UCKL1: variants seen among roughly 807,000 people sequenced by gnomAD.
The protein encoded by UCKL1 is uridine-cytidine kinase-like 1.
A neutral mutation model predicts 59.2 loss-of-function variants in UCKL1; 65 were observed. The ratio of observed to expected loss-of-function variants is 1.10; its 90% CI spans 0.90 to 1.35. The LOEUF is 1.35. Ranked by LOEUF, UCKL1 falls within the 40% of genes most tolerant of loss-of-function variation. UCKL1 has a pLI of 0.00. For missense variants in UCKL1, 703 were observed against 784.3 expected (o/e 0.90, Z 1.24); for synonymous variants, 410 against 323.1 (o/e 1.27, Z -2.88).
intron 1 of UCKL1, among the ~76,000 whole-genome samples, chr20:63,947,872 C>T (rs1333435183): frequency 6.6e-6 from 1 of 152,256 alleles, no homozygotes; most frequent in Non-Finnish European, 1.5e-5. Flanking sequence ...GACCGGCACT[C>T]AGGCGCCTGC....
At chr20:63,944,843 C>T (rs1460334201) in intron 5 of UCKL1, 109 bp from the exon 6 acceptor site, 19 of 1,383,076 alleles carry the variant, frequency 1.4e-5, no homozygotes, top group Non-Finnish European at 1.8e-5. Context: ...TGGCCAGAGC[C>T]ACTTCCCCAG....
At chr20:63,950,031 C>A (rs1366016552) in intron 1 of UCKL1, among the ~76,000 whole-genome samples, 1 of 152,228 alleles carries the variant, frequency 6.6e-6, no homozygotes, top group Non-Finnish European at 1.5e-5. Context: ...AGTAACAACC[C>A]CGTCACCGCA....
At chr20:63,952,972 G>C (rs79001436) in intron 1 of UCKL1, among the ~76,000 whole-genome samples, 1 of 152,262 alleles carries the variant, frequency 6.6e-6, no homozygotes, top group Non-Finnish European at 1.5e-5. Flanking sequence ...ACAGGTGGCC[G>C]GGCGCGGTGG....
rs761184799 is a variant in UCKL1, at chr20:63,939,927, G to A, written c.*49C>T. The A allele has an allele frequency of 2.0e-6, 3 of 1,511,924 alleles. No individual in the cohort carries two copies. Among genetic ancestry groups the A allele is most frequent in the South Asian group, 2.3e-5 (2 of 88,686 alleles). 93.7% of individuals were successfully genotyped at this position (1,511,924 alleles called of 1,614,324 possible). On this transcript the variant is annotated 3_prime_UTR_variant, in exon 15 of 15. Transcript: ENST00000354216. ...ACATCTTTGTATTCAGCAGTCCTGG[G>A]TCAGGAGGCAGGAGGAGGGTGGTGG... is the stretch of plus-strand genomic sequence containing the variant.
Position 63,956,377 on chromosome 20 carries a change from C to G in UCKL1, c.-5G>C. On this transcript the variant is annotated 5_prime_UTR_variant, in exon 1 of 15. Transcript: ENST00000354216. ...GCGGGCCGGGGGCGCAGCCATGGCG[C>G]TCGGAGGCCTCTTTGCGGGCCTGGC... 1 of 1,486,496 alleles carries G rather than the reference C, an allele frequency of 6.7e-7. No homozygotes were observed. Among genetic ancestry groups the G allele is most frequent in the Non-Finnish European group, 8.9e-7 (1 of 1,120,896 alleles). The allele number at this position is 1,486,496 out of a possible 1,614,324, so 92.1% of individuals were successfully genotyped here.
In UCKL1 at chr20:63,946,715, C is replaced by T; in HGVS notation, c.114-72G>A. On this transcript the variant is annotated intron_variant, in intron 1 of 14. Coordinates refer to ENST00000354216, the MANE Select transcript of UCKL1 (RefSeq NM_017859.4). ...CCAGGTACCCGCTGGCATGGCCGGC[C>T]CACAGGGCACCCCCCCCACCCCCTC... is the stretch of plus-strand genomic sequence containing the variant. 3 of 1,403,372 alleles carry T rather than the reference C, an allele frequency of 2.1e-6. 1 individual carries two copies. 86.9% of individuals were successfully genotyped at this position (1,403,372 alleles called of 1,614,324 possible).
intron 7 of UCKL1, among the ~76,000 whole-genome samples, chr20:63,944,151 G>T (rs999981251): frequency 6.6e-6 from 1 of 152,168 alleles, no homozygotes; most frequent in Non-Finnish European, 1.5e-5. Flanking sequence ...CCCTCGGCTG[G>T]GTCCTGAGCA....
chr20:63,946,393 A>C, intron 2 of UCKL1, 60 bp downstream of exon 2: 2 of 1,514,290 alleles, frequency 1.3e-6, no homozygotes, highest in East Asian at 4.9e-5. Context: ...CTCCACAGGC[A>C]CTGGAGGGGA....
intron 1 of UCKL1, among the ~76,000 whole-genome samples, chr20:63,952,987 C>T (rs904803171): frequency 2.0e-5 from 3 of 152,234 alleles, no homozygotes; most frequent in African/African-American, 4.8e-5. Context: ...CGGTGGCTCA[C>T]GCCTGTCATC....
rs377127420 is a variant in UCKL1 at position 63,945,954 on chromosome 20, C to G, written c.433G>C (p.Glu145Gln). 1 of 1,613,688 alleles carries G rather than the reference C, an allele frequency of 6.2e-7. No individual in the cohort carries two copies. The highest frequency in any genetic ancestry group is 1.3e-5 in the African/African-American group (1 of 74,918). ...TTGAAGTTGTTGTGTGCGGCCTGTTCCTGCTGCTGCTCAGTCAGCACCTGG... is the reference window on the plus strand; with the variant it reads ...TTGAAGTTGTTGTGTGCGGCCTGTTGCTGCTGCTGCTCAGTCAGCACCTGG... ...FYKVLTEQQQ[E>Q]QAAHNNFNFD... Residue 145 changes from glutamate to glutamine, a missense_variant, in exon 4 of 15, where the codon GAA (glutamate) becomes CAA (glutamine). Glu to Gln is a conservative substitution (Grantham distance 29). This residue lies in a region of UCKL1 where 398 missense variants were observed against 373.0 expected (regional missense o/e 1.07). Transcript: ENST00000354216.
Position 63,941,035 on chromosome 20 carries a change from T to C in UCKL1, c.1031A>G (p.Glu344Gly). ...GAAGATGAACTCGTCGCGACTGGTC[T>C]CCTTGTCCCTGTGGGGCCAACAGTT... ...RGMHTIIRDK[E>G]TSRDEFIFYS... Residue 344 changes from glutamate to glycine, a missense_variant, in exon 10 of 15, where the codon GAG (glutamate) becomes GGG (glycine). Transcript: ENST00000354216. The C allele has an allele frequency of 6.4e-7, 1 of 1,574,490 alleles. No homozygotes were observed. The highest frequency in any genetic ancestry group is 8.6e-7 in the Non-Finnish European group (1 of 1,162,764).
chr20:63,944,387 C>T lies in UCKL1; in HGVS notation c.906+10G>A. The T allele has an allele frequency of 1.3e-6, 2 of 1,552,786 alleles. No individual in the cohort carries two copies. Among genetic ancestry groups the T allele is most frequent in the Non-Finnish European group, 1.7e-6 (2 of 1,149,438 alleles). On this transcript the variant is annotated intron_variant, in intron 7 of 14. Transcript: ENST00000354216. ...GGGGCTAGGCCGTGGGGACGTGGGA[C>T]CCCGCTCACCTCCTCCAGCTGGCTG...
chr20:63,945,322 C>CA (rs2055861917), intron 5 of UCKL1, among the ~76,000 whole-genome samples: 1 of 152,168 alleles, frequency 6.6e-6, no homozygotes, highest in African/African-American at 2.4e-5. Flanking sequence ...TGAGCTACAG[C>CA]AAAATCTCTC....
At chr20:63,942,557 G>C in intron 8 of UCKL1, 1 of 1,026,650 alleles carries the variant, frequency 9.7e-7, no homozygotes, top group South Asian at 1.6e-5. Context: ...ACAGAGAGAA[G>C]GAAGAGAACA....
intron 1 of UCKL1, among the ~76,000 whole-genome samples, chr20:63,947,172 T>C (rs1215554461): frequency 6.6e-6 from 1 of 151,906 alleles, no homozygotes; most frequent in Non-Finnish European, 1.5e-5. Flanking sequence ...AGATCATCAC[T>C]GTCCACACAG....
Position 63,944,728 on chromosome 20 carries a change from C to A in UCKL1, c.661G>T (p.Asp221Tyr), listed in dbSNP as rs1407827652. The stretch of plus-strand genomic sequence containing the variant: ...TCTGTGTCCACAAAGATCTTCATGT[C>A]CAGGAGCTGGTGGAGACAGCGGGCC... ...FADKTLLELLDMKIFVDTDSD... is the reference protein window; with the variant it reads ...FADKTLLELLYMKIFVDTDSD... Residue 221 changes from aspartate to tyrosine, a missense_variant, in exon 6 of 15, where the codon GAC becomes TAC. Around this residue, in one of 4 missense-constraint regions of UCKL1, gnomAD observed 398 missense variants for 373.0 expected, o/e 1.07. Coordinates refer to ENST00000354216, the MANE Select transcript of UCKL1 (RefSeq NM_017859.4). 1 of 1,612,418 alleles carries A rather than the reference C, an allele frequency of 6.2e-7. No individual in the cohort carries two copies. Among genetic ancestry groups the A allele is most frequent in the African/African-American group, 1.3e-5 (1 of 74,952 alleles).
At position 63,942,315 on chromosome 20, in the gene UCKL1, G is replaced by C. The variant is rs1460671579; in HGVS notation, c.924-1107C>G. 1.1e-5 allele frequency: 7 copies of C among 633,240 alleles called. No individual in the cohort carries two copies. The Admixed American group carries it at 4.0e-4, about 36-fold the overall frequency. The allele number at this position is 633,240 out of a possible 1,614,324, so 39.2% of individuals were successfully genotyped here. On this transcript the variant is annotated intron_variant, in intron 8 of 14. Transcript: ENST00000354216. ...GTGACAGCGGCAGGGAAAGGGGCGG[G>C]GCCGGAAATGGGGTGTGGCAGGGCA...
intron 7 of UCKL1, 122 bp from the exon 8 acceptor site, chr20:63,943,791 TG>T: frequency 5.6e-6 from 8 of 1,420,280 alleles, no homozygotes; most frequent in Non-Finnish European, 7.8e-6. Flanking sequence ...CAGCCAGCCA[TG>T]GGGGGTGGCA....
rs1172337264 is a variant in UCKL1 at position 63,956,115 on chromosome 20, G to A, written c.113+145C>T. ...CTTCAAGCCCGCGGGGTTCCACCCGGCACGTGGGAGAACGGGGCGCCGCCG... is the reference window on the plus strand; with the variant it reads ...CTTCAAGCCCGCGGGGTTCCACCCGACACGTGGGAGAACGGGGCGCCGCCG... On this transcript the variant is annotated intron_variant, in intron 1 of 14. Coordinates refer to ENST00000354216, the MANE Select transcript of UCKL1 (RefSeq NM_017859.4). 1.3e-5 allele frequency: 10 copies of A among 779,068 alleles called. No homozygotes were observed. The East Asian group carries it at 1.4e-4, about 11-fold the overall frequency. The allele number at this position is 779,068 out of a possible 1,614,324, so 48.3% of individuals were successfully genotyped here. A position where few individuals can be genotyped will look rare whatever the true frequency, so the allele number is the denominator to read the frequency against.
Sources: gnomAD v4.1 joint callset for allele counts (sites outside exome capture counted in the v4.1 genomes callset) on GRCh38, gnomAD v4.1.1 for gene constraint, gnomAD v4.1.1 regional missense constraint, MANE v1.5 for transcripts, NCBI Gene and HGNC (gene_info 2026-07-23, HGNC 2026-07-21) for gene names.